CYRIB: variants seen among roughly 807,000 people sequenced by gnomAD.
CYRIB encodes the protein CYFIP-related Rac1 interactor B.
Under a neutral mutation model 44.2 loss-of-function variants are expected in CYRIB, and 8 were observed. The observed-to-expected ratio is 0.18, with a 90% confidence interval of 0.11 to 0.33. The LOEUF (loss-of-function observed/expected upper bound fraction) is 0.33. CYRIB is among the 10% of genes least tolerant of loss of function. The pLI is 1.00. For missense variants in CYRIB, 185 were observed against 382.8 expected, an observed-to-expected ratio of 0.48 and a Z score of 4.31; for synonymous variants, 131 against 127.2, an observed-to-expected ratio of 1.03 and a Z score of -0.20.
intron 1 of CYRIB, among the ~76,000 whole-genome samples, chr8:129,907,654 T>C (rs1229868730): frequency 1.3e-5 from 2 of 152,200 alleles, no homozygotes; most frequent in Non-Finnish European, 1.5e-5. Flanking sequence ...CATGAGTTAT[T>C]ACTTCAGACC....
At chr8:129,986,640 T>C (rs2395953) in intron 1 of CYRIB, among the ~76,000 whole-genome samples, 52,451 of 151,926 alleles carry the variant, frequency 0.35, 9,442 homozygotes, top group African/African-American at 0.44. Flanking sequence ...CACCATGTGA[T>C]GCTCTGCACA....
At chr8:130,004,938 T>C (rs2097011077) in intron 1 of CYRIB, among the ~76,000 whole-genome samples, 1 of 152,002 alleles carries the variant, frequency 6.6e-6, no homozygotes, top group South Asian at 2.1e-4. Context: ...GGCTAATTTT[T>C]GTATTTTTAG....
intron 1 of CYRIB, among the ~76,000 whole-genome samples, chr8:130,010,846 A>C (rs1592488885): frequency 6.6e-6 from 1 of 152,192 alleles, no homozygotes; most frequent in Non-Finnish European, 1.5e-5. Context: ...CACTGCACTC[A>C]AAGTATGGTC....
At chr8:129,991,970 A>AC (rs2096647437) in intron 1 of CYRIB, among the ~76,000 whole-genome samples, 1 of 139,492 alleles carries the variant, frequency 7.2e-6, no homozygotes, top group African/African-American at 2.6e-5. Context: ...AAAAAAAAAA[A>AC]AACAATAGGA....
chr8:129,841,937 A>T (rs1162947779), exon 12 of CYRIB: 3 of 524,166 alleles, frequency 5.7e-6, no homozygotes, highest in African/African-American at 5.7e-5. Context: ...GTTTGAAAGG[A>T]TGATATCCCT....
At chr8:129,937,470 A>G (rs1232221169) in intron 1 of CYRIB, among the ~76,000 whole-genome samples, 2 of 152,244 alleles carry the variant, frequency 1.3e-5, no homozygotes, top group South Asian at 2.1e-4. Context: ...ACCATTTCAA[A>G]TATCAGTCAA....
chr8:129,854,621 A>G (rs1442438398), intron 6 of CYRIB, among the ~76,000 whole-genome samples: 1 of 152,220 alleles, frequency 6.6e-6, no homozygotes, highest in Non-Finnish European at 1.5e-5. Flanking sequence ...ACAAAAACAA[A>G]AAGGACTGTT....
chr8:129,885,778 C>T (rs1043959478), intron 2 of CYRIB, among the ~76,000 whole-genome samples: 1 of 152,086 alleles, frequency 6.6e-6, no homozygotes, highest in East Asian at 1.9e-4. Context: ...TCAATCTCCT[C>T]TCCCACTTTC....
chr8:129,979,382 G>A (rs2096109751), intron 1 of CYRIB, among the ~76,000 whole-genome samples: 1 of 151,986 alleles, frequency 6.6e-6, no homozygotes, highest in African/African-American at 2.4e-5. Context: ...ATTTTTCTAT[G>A]CTAACATATG....
intron 2 of CYRIB, among the ~76,000 whole-genome samples, chr8:129,888,800 A>C (rs986634582): frequency 2.6e-5 from 4 of 152,170 alleles, no homozygotes; most frequent in Non-Finnish European, 4.4e-5. Context: ...ATACATGATT[A>C]AAAATAGAGA....
chr8:129,959,416 C>T (rs2095103036), intron 2 of CYRIB, among the ~76,000 whole-genome samples: 1 of 152,044 alleles, frequency 6.6e-6, no homozygotes, highest in African/African-American at 2.4e-5. Flanking sequence ...CTGAAAAATA[C>T]ATGTAGAGTA....
At chr8:129,992,215 G>A (rs1008481154) in intron 1 of CYRIB, among the ~76,000 whole-genome samples, 8 of 151,864 alleles carry the variant, frequency 5.3e-5, no homozygotes, top group African/African-American at 1.9e-4. Context: ...CAGCTATTCG[G>A]AGGGCTGAGG....
At chr8:129,993,083 T>G (rs532782755) in intron 1 of CYRIB, among the ~76,000 whole-genome samples, 1 of 152,298 alleles carries the variant, frequency 6.6e-6, no homozygotes, top group East Asian at 1.9e-4. Flanking sequence ...ATTCATCTTG[T>G]TCATTACAGA....
At chr8:129,981,875 C>T (rs1274724765) in intron 1 of CYRIB, among the ~76,000 whole-genome samples, 1 of 152,188 alleles carries the variant, frequency 6.6e-6, no homozygotes, top group Non-Finnish European at 1.5e-5. Context: ...CTGGTCCACC[C>T]GACCACTGTC....
At chr8:129,936,953 C>T (rs1223820151) in intron 1 of CYRIB, among the ~76,000 whole-genome samples, 5 of 152,016 alleles carry the variant, frequency 3.3e-5, no homozygotes, top group Admixed American at 1.3e-4. Context: ...GTGATCCGCC[C>T]GCCTCGGCCT....
intron 1 of CYRIB, among the ~76,000 whole-genome samples, chr8:130,014,541 G>A (rs1336017427): frequency 1.3e-5 from 2 of 152,180 alleles, no homozygotes; most frequent in Non-Finnish European, 2.9e-5. Flanking sequence ...GGGGTCGGGA[G>A]TTGGGGGACC....
intron 8 of CYRIB, 88 bp from the exon 11 acceptor site, chr8:129,851,002 T>C (rs2042980962): frequency 2.4e-6 from 2 of 836,808 alleles, no homozygotes. Flanking sequence ...ATATGAAAAA[T>C]TAGCAACTTT....
intron 3 of CYRIB, among the ~76,000 whole-genome samples, chr8:129,874,648 C>T (rs1423817594): frequency 6.6e-6 from 1 of 151,988 alleles, no homozygotes. Context: ...TGAGAGGGTA[C>T]AGAGACATAA....
chr8:129,874,892 A>G (rs76123272), intron 3 of CYRIB, among the ~76,000 whole-genome samples: 2,637 of 152,296 alleles, frequency 0.017, 88 homozygotes, highest in African/African-American at 0.06. Flanking sequence ...CAAAGGACAC[A>G]AGAACTATAG....
Sources: allele counts gnomAD v4.1 joint callset (sites outside exome capture counted in the v4.1 genomes callset), GRCh38; gene constraint gnomAD v4.1.1; transcripts MANE v1.5; gene names NCBI Gene and HGNC (gene_info 2026-07-23, HGNC 2026-07-21).